Variants in FAAH2 observed in about 807,000 individuals in gnomAD.
FAAH2 encodes the protein fatty acid amide hydrolase 2.
Under a neutral mutation model 36.9 loss-of-function variants are expected in FAAH2, and 60 were observed. That is an observed-to-expected ratio of 1.63 (90% CI 1.32 to 2.02). The LOEUF is 2.02. FAAH2 is among the 30% of genes most tolerant of loss of function. FAAH2 has a pLI of 0.00. For missense variants in FAAH2, 689 were observed against 397.5 expected (o/e 1.73, Z -6.23); for synonymous variants, 214 against 143.8 (o/e 1.49, Z -3.49).
the FAAH2 span, among the ~76,000 whole-genome samples, chrX:57,248,190 G>A: frequency 8.9e-6 from 1 of 112,253 alleles, no homozygotes; most frequent in African/African-American, 3.2e-5. Flanking sequence ...TTAATAATCA[G>A]ATTACTGAGT....
chrX:57,214,346 G>C, the FAAH2 span, among the ~76,000 whole-genome samples: 3 of 112,028 alleles, frequency 2.7e-5, no homozygotes, highest in South Asian at 3.7e-4. Flanking sequence ...GTTGTTATCT[G>C]TTTGCTTTGT....
chrX:57,400,894 G>A (rs1009013382), intron 7 of FAAH2, among the ~76,000 whole-genome samples: 10 of 111,594 alleles, frequency 9.0e-5, no homozygotes, highest in African/African-American at 1.6e-4. Context: ...AGGCTGAGGC[G>A]GGCAGATCAC....
At chrX:57,436,258 A>T (rs888385796) in intron 8 of FAAH2, among the ~76,000 whole-genome samples, 2 of 111,082 alleles carry the variant, frequency 1.8e-5, no homozygotes, top group African/African-American at 6.5e-5. Flanking sequence ...CCTATACTAA[A>T]AAAGTAGGAA....
the FAAH2 span, among the ~76,000 whole-genome samples, chrX:57,180,376 AG>A: frequency 8.9e-6 from 1 of 111,852 alleles, no homozygotes; most frequent in East Asian, 2.8e-4. Flanking sequence ...ACTCATAAAA[AG>A]GAAGCAGAGA....
the FAAH2 span, among the ~76,000 whole-genome samples, chrX:57,248,174 G>A: frequency 8.9e-6 from 1 of 112,256 alleles, no homozygotes; most frequent in South Asian, 3.7e-4. Flanking sequence ...ATTTAGATAA[G>A]TTGGGTTAAT....
the FAAH2 span, among the ~76,000 whole-genome samples, chrX:57,249,155 A>AT: frequency 9.0e-6 from 1 of 111,633 alleles, no homozygotes; most frequent in Non-Finnish European, 1.9e-5. Context: ...GAGCCAAAGA[A>AT]TGTTTTTTAA....
At chrX:57,316,822 C>G (rs769847175) in intron 3 of FAAH2, among the ~76,000 whole-genome samples, 1 of 110,781 alleles carries the variant, frequency 9.0e-6, no homozygotes, top group Non-Finnish European at 1.9e-5. Context: ...TGTCTCCCCC[C>G]ACCGCCTCCA....
chrX:57,263,721 G>A, the FAAH2 span, among the ~76,000 whole-genome samples: 1 of 111,368 alleles, frequency 9.0e-6, no homozygotes, highest in African/African-American at 3.3e-5. Context: ...AATTGTATCT[G>A]TCTATTATAC....
intron 7 of FAAH2, chrX:57,392,994 AG>A (rs1212166487): frequency 8.3e-5 from 76 of 915,129 alleles, no homozygotes; most frequent in Non-Finnish European, 1.0e-4. Flanking sequence ...TGGGAGCTTG[AG>A]GTCATAAAGG....
the FAAH2 span, among the ~76,000 whole-genome samples, chrX:57,242,703 C>T: frequency 2.3e-4 from 26 of 111,909 alleles, no homozygotes; most frequent in South Asian, 7.5e-4. Flanking sequence ...AGGGACTGTG[C>T]CATGAAGAAT....
At chrX:57,414,833 A>G (rs1024653948) in intron 7 of FAAH2, among the ~76,000 whole-genome samples, 3 of 99,030 alleles carry the variant, frequency 3.0e-5, no homozygotes, top group Non-Finnish European at 6.0e-5. Flanking sequence ...TTGACTGTAA[A>G]TTCATCTTGT....
At chrX:57,306,829 ATACTATATATG>A (rs1195055978) in intron 2 of FAAH2, among the ~76,000 whole-genome samples, 2 of 93,782 alleles carry the variant, frequency 2.1e-5, no homozygotes, top group African/African-American at 3.7e-5. Context: ...CACTATATAT[ATACTATATATG>A]TACTATATAT....
intron 3 of FAAH2, among the ~76,000 whole-genome samples, chrX:57,330,654 G>A (rs1040411594): frequency 9.0e-6 from 1 of 111,418 alleles, no homozygotes; most frequent in African/African-American, 3.3e-5. Context: ...TTTGCGGCTT[G>A]TGGGGCATCA....
intron 10 of FAAH2, among the ~76,000 whole-genome samples, chrX:57,459,260 G>T (rs1278826065): frequency 8.9e-6 from 1 of 112,053 alleles, no homozygotes; most frequent in South Asian, 3.7e-4. Context: ...AGCAGCTATG[G>T]CCAGACTGCC....
the FAAH2 span, among the ~76,000 whole-genome samples, chrX:57,194,744 C>T: frequency 9.0e-6 from 1 of 110,720 alleles, no homozygotes; most frequent in African/African-American, 3.3e-5. Flanking sequence ...CTACTCCCCC[C>T]CTTCCACTCA....
chrX:57,450,697 G>T, intron 10 of FAAH2, among the ~76,000 whole-genome samples: 1 of 110,975 alleles, frequency 9.0e-6, no homozygotes, highest in Middle Eastern at 4.6e-3. Context: ...CTTACAAGAT[G>T]GGTACACTAA....
the FAAH2 span, among the ~76,000 whole-genome samples, chrX:57,165,095 C>G: frequency 6.0e-4 from 67 of 112,368 alleles, no homozygotes; most frequent in Non-Finnish European, 7.5e-5. Context: ...GTTGGTGGGA[C>G]TCTAAACTAG....
chrX:57,175,195 G>A, the FAAH2 span, among the ~76,000 whole-genome samples: 6 of 111,512 alleles, frequency 5.4e-5, no homozygotes, highest in South Asian at 3.8e-4. Context: ...TTACTACTGC[G>A]TCACTGTCTA....
the FAAH2 span, among the ~76,000 whole-genome samples, chrX:57,212,238 A>G: frequency 1.8e-5 from 2 of 112,080 alleles, no homozygotes; most frequent in African/African-American, 6.5e-5. Context: ...TGTCTCTACA[A>G]ACAAAAAAAG....
Sources: gnomAD v4.1 joint callset for allele counts (sites outside exome capture counted in the v4.1 genomes callset) on GRCh38, gnomAD v4.1.1 for gene constraint, MANE v1.5 for transcripts, NCBI Gene and HGNC (gene_info 2026-07-23, HGNC 2026-07-21) for gene names.